The following COL4A2 variants were observed in gnomAD, a reference collection of about 807,000 sequenced individuals.
COL4A2 encodes the protein collagen type IV alpha 2 chain.
Under a neutral mutation model 200.2 loss-of-function variants are expected in COL4A2, and 99 were observed. The observed-to-expected ratio is 0.49, with a 90% confidence interval of 0.42 to 0.58. The LOEUF is 0.58. Ranked by LOEUF, COL4A2 falls within the 20% of genes least tolerant of loss-of-function variation. The pLI, the probability that COL4A2 is intolerant of heterozygous loss-of-function variation, is 0.00. For synonymous variants in COL4A2, 897 were observed against 900.6 expected, an observed-to-expected ratio of 1.00 and a Z score of 0.07; for missense variants, 1,950 against 2,314.1, an observed-to-expected ratio of 0.84 and a Z score of 3.23.
rs375753257 is a variant in COL4A2, at chr13:110,385,722, T to C, written c.180+28170T>C. Among the ~76,000 whole-genome samples the C allele has an allele frequency of 1.1e-4, 7 of 63,008 alleles. 1 individual carries two copies. Among genetic ancestry groups the C allele is most frequent in the African/African-American group, 2.7e-4 (5 of 18,780 alleles). The allele number at this position is 63,008 out of a possible 152,430, so 41.3% of individuals were successfully genotyped here. On this transcript the variant is annotated intron_variant, in intron 4 of 47. Coordinates refer to ENST00000360467, the MANE Select transcript of COL4A2 (RefSeq NM_001846.4). ...GTGTGGATAGGCCGTGGTTACAGTG[T>C]GTGGATAGGCCGTGGTTGCAGTGCG... is the stretch of plus-strand genomic sequence containing the variant.
rs748878362 is a variant in COL4A2 at position 110,504,004 on chromosome 13, G to C, written c.4285+11G>C. ...CCCCCGGAGAACCAGGTAGAGTGCT[G>C]AGCTGGGGCCTGGAGCCCCTCGGGG... On this transcript the variant is annotated intron_variant, in intron 44 of 47. Transcript: ENST00000360467. The C allele has an allele frequency of 6.4e-7, 1 of 1,556,438 alleles. No individual in the cohort carries two copies. Among genetic ancestry groups the C allele is most frequent in the African/African-American group, 1.4e-5 (1 of 72,432 alleles).
intron 22 of COL4A2, among the ~76,000 whole-genome samples, chr13:110,461,058 AAC>A (rs1293433967): frequency 6.6e-6 from 1 of 152,210 alleles, no homozygotes; most frequent in South Asian, 2.1e-4. Flanking sequence ...CACGTTTGAA[AAC>A]ACAACGCTGA....
intron 15 of COL4A2, among the ~76,000 whole-genome samples, chr13:110,438,926 C>T (rs540620670): frequency 6.6e-6 from 1 of 152,222 alleles, no homozygotes; most frequent in South Asian, 2.1e-4. Flanking sequence ...TGTGCAGACG[C>T]GGCCCTCCCC....
chr13:110,500,449 G>A (rs767211518), intron 40 of COL4A2, among the ~76,000 whole-genome samples: 2 of 152,122 alleles, frequency 1.3e-5, no homozygotes, highest in Non-Finnish European at 2.9e-5. Context: ...ACCCACCACT[G>A]CCCTACAGCA....
intron 3 of COL4A2, among the ~76,000 whole-genome samples, chr13:110,321,243 TAGAG>T (rs60126300): frequency 1.1e-4 from 14 of 126,880 alleles, no homozygotes; most frequent in Non-Finnish European, 1.2e-4. Flanking sequence ...CACACACACA[TAGAG>T]AGTGTACATA....
At chr13:110,393,413 A>G (rs751453789) in intron 4 of COL4A2, among the ~76,000 whole-genome samples, 15 of 152,210 alleles carry the variant, frequency 9.9e-5, no homozygotes, top group Non-Finnish European at 1.9e-4. Flanking sequence ...TTTTATGAAT[A>G]CAATCCAGTA....
chr13:110,347,572 A>T (rs1479583566), intron 3 of COL4A2, among the ~76,000 whole-genome samples: 1 of 152,168 alleles, frequency 6.6e-6, no homozygotes, highest in Non-Finnish European at 1.5e-5. Flanking sequence ...CTCCACTGTC[A>T]TTCAGCCTGC....
intron 3 of COL4A2, among the ~76,000 whole-genome samples, chr13:110,315,531 G>C (rs1248946507): frequency 2.0e-5 from 3 of 152,164 alleles, no homozygotes; most frequent in African/African-American, 7.2e-5. Context: ...AAGTAGCTGG[G>C]ATTACAGGCA....
At chr13:110,473,753 T>A (rs1882571946) in intron 29 of COL4A2, among the ~76,000 whole-genome samples, 4 of 152,196 alleles carry the variant, frequency 2.6e-5, no homozygotes, top group Non-Finnish European at 4.4e-5. Flanking sequence ...GATGATGCCA[T>A]GGACAGCAAA....
At chr13:110,367,585 G>A (rs960296601) in intron 4 of COL4A2, among the ~76,000 whole-genome samples, 12 of 152,250 alleles carry the variant, frequency 7.9e-5, no homozygotes. Context: ...TATGTCAAGA[G>A]AACCTTACTA....
rs140894681 is a variant in COL4A2 at position 110,449,627 on chromosome 13, C to T, written c.1079-52C>T. On this transcript the variant is annotated intron_variant, in intron 18 of 47. Transcript: ENST00000360467. ...TCAATGAAAAAGTGAACGCCAGCTG[C>T]GATCCGTAGACCACGGTCTTGTTCT... 395 of 1,483,340 alleles carry T rather than the reference C, an allele frequency of 2.7e-4. 2 individuals are homozygous for T. In the East Asian group the frequency reaches 9.4e-3, roughly 35 times the overall value. 91.9% of individuals were successfully genotyped at this position (1,483,340 alleles called of 1,614,324 possible).
At chr13:110,483,956 C>T (rs1207357094) in intron 32 of COL4A2, among the ~76,000 whole-genome samples, 1 of 152,166 alleles carries the variant, frequency 6.6e-6, no homozygotes, top group African/African-American at 2.4e-5. Flanking sequence ...ACCTTAATTA[C>T]TCTTCAGACT....
At chr13:110,506,636 C>T in intron 46 of COL4A2, 30 bp downstream of exon 46, 1 of 1,566,852 alleles carries the variant, frequency 6.4e-7, no homozygotes, top group Non-Finnish European at 8.6e-7. Flanking sequence ...CCCCCGTTGC[C>T]TGCTCAGGGC....
Position 110,409,035 on chromosome 13 carries a change from T to C in COL4A2, c.181-15699T>C, listed in dbSNP as rs540826080. Among the ~76,000 whole-genome samples the C allele has an allele frequency of 3.5e-5, 4 of 115,774 alleles. No individual in the cohort carries two copies. The East Asian group carries it at 8.3e-4, about 24-fold the overall frequency. 76.0% of individuals were successfully genotyped at this position (115,774 alleles called of 152,430 possible). On this transcript the variant is annotated intron_variant, in intron 4 of 47. Transcript: ENST00000360467. ...ACATACACATGGACACGCGCACACGTTTACACACATGCAGATATACACATG... is the reference window on the plus strand; with the variant it reads ...ACATACACATGGACACGCGCACACGCTTACACACATGCAGATATACACATG...
Position 110,483,156 on chromosome 13 carries a change from G to A in COL4A2, c.2902+497G>A, listed in dbSNP as rs564514706. 3.3e-5 allele frequency among the ~76,000 whole-genome samples: 5 copies of A among 152,220 alleles called. No homozygotes were observed. In the East Asian group the frequency reaches 7.7e-4, roughly 24 times the overall value. On this transcript the variant is annotated intron_variant, in intron 32 of 47. Coordinates refer to ENST00000360467, the MANE Select transcript of COL4A2 (RefSeq NM_001846.4). ...CAAGACCCCCCACGTAAGGCCCCTC[G>A]TTCATTGAGTTTATTACTAACAAGT... is the stretch of plus-strand genomic sequence containing the variant.
At position 110,336,204 on chromosome 13, in the gene COL4A2, C is replaced by A. The variant is rs1262184378; in HGVS notation, c.100-21268C>A. Among the ~76,000 whole-genome samples the A allele has an allele frequency of 3.3e-5, 5 of 152,224 alleles. No individual in the cohort carries two copies. The South Asian group carries it at 6.2e-4, about 19-fold the overall frequency. ...TTGAGAGTAGGCCATTTCCTCTTTTCCTGGAAAATATTCTGATGGCTCTCT... is the reference window on the plus strand; with the variant it reads ...TTGAGAGTAGGCCATTTCCTCTTTTACTGGAAAATATTCTGATGGCTCTCT... On this transcript the variant is annotated intron_variant, in intron 3 of 47. Coordinates refer to ENST00000360467, the MANE Select transcript of COL4A2 (RefSeq NM_001846.4).
chr13:110,308,419 T>A (rs1285563201), intron 3 of COL4A2, among the ~76,000 whole-genome samples: 2 of 152,170 alleles, frequency 1.3e-5, no homozygotes, highest in African/African-American at 4.8e-5. Flanking sequence ...TGGGCAAAGC[T>A]GCAGCCGTAG....
intron 4 of COL4A2, among the ~76,000 whole-genome samples, chr13:110,389,865 C>CA (rs5806852): frequency 0.88 from 130,324 of 148,456 alleles, 57,398 homozygotes; most frequent in Non-Finnish European, 0.91. Context: ...CTTTCTAAAG[C>CA]AAAAAAAAAA....
At chr13:110,424,913 G>T (rs749283036) in intron 5 of COL4A2, 40 bp from the exon 6 acceptor site, 6 of 1,614,226 alleles carry the variant, frequency 3.7e-6, no homozygotes, top group Admixed American at 1.7e-5. Context: ...AGGGTGGCGG[G>T]TATCTCAGCC....
Sources: allele counts gnomAD v4.1 joint callset (sites outside exome capture counted in the v4.1 genomes callset), GRCh38; gene constraint gnomAD v4.1.1; transcripts MANE v1.5; gene names NCBI Gene and HGNC (gene_info 2026-07-23, HGNC 2026-07-21).